Variants in ARHGAP20 observed in about 807,000 individuals in gnomAD.
ARHGAP20 encodes the protein rho GTPase-activating protein 20.
Under a neutral mutation model 73.7 loss-of-function variants are expected in ARHGAP20, and 34 were observed. The observed-to-expected ratio is 0.46, with a 90% CI of 0.35 to 0.61. The LOEUF (loss-of-function observed/expected upper bound fraction) is 0.61, where lower values mean the gene tolerates loss of function less well. ARHGAP20 is among the 20% of genes least tolerant of loss of function. ARHGAP20 has a pLI of 0.00. For missense variants in ARHGAP20, 1,314 were observed against 1,420.9 expected, an observed-to-expected ratio of 0.92 and a Z score of 1.21; for synonymous variants, 523 against 518.2, an observed-to-expected ratio of 1.01 and a Z score of -0.13.
At chr11:110,590,900 G>T in intron 10 of ARHGAP20, 91 bp from the exon 11 acceptor site, 1 of 1,286,064 alleles carries the variant, frequency 7.8e-7, no homozygotes, top group Non-Finnish European at 1.0e-6. Flanking sequence ...AGAGGCTAGG[G>T]TGCGCTAGGG....
chr11:110,701,164 C>A (rs1352031518), intron 1 of ARHGAP20, among the ~76,000 whole-genome samples: 1 of 151,652 alleles, frequency 6.6e-6, no homozygotes, highest in Non-Finnish European at 1.5e-5. Flanking sequence ...GGAATCGCCA[C>A]ACTGACTTCC....
intron 6 of ARHGAP20, among the ~76,000 whole-genome samples, chr11:110,612,219 C>T (rs1444007661): frequency 6.6e-6 from 1 of 151,270 alleles, no homozygotes; most frequent in Non-Finnish European, 1.5e-5. Flanking sequence ...GAGATCGAGA[C>T]CATCCTGGCT....
At chr11:110,601,632 A>T (rs965536010) in intron 9 of ARHGAP20, among the ~76,000 whole-genome samples, 16 of 152,184 alleles carry the variant, frequency 1.1e-4, no homozygotes, top group African/African-American at 3.9e-4. Context: ...TTATATTTTT[A>T]AAAAGTTGAA....
intron 1 of ARHGAP20, among the ~76,000 whole-genome samples, chr11:110,708,055 C>G (rs1950581408): frequency 6.6e-6 from 1 of 151,764 alleles, no homozygotes; most frequent in South Asian, 2.1e-4. Context: ...AGTAAAAAGA[C>G]AAGTCACAGA....
chr11:110,578,244 CA>C lies in ARHGAP20; in HGVS notation c.*1125del. The C allele has an allele frequency of 1.0e-6, 1 of 985,454 alleles. No individual in the cohort carries two copies. Among genetic ancestry groups the C allele is most frequent in the Non-Finnish European group, 1.2e-6 (1 of 829,932 alleles). 61.0% of individuals were successfully genotyped at this position (985,454 alleles called of 1,614,324 possible). A position where few individuals can be genotyped will look rare whatever the true frequency, so the allele number is the denominator to read the frequency against. ...TGGAACAACGTCTGGAAGCAAAACC[CA>C]AAGCAAATGGCTGTCTGAGAAGGCC... On this transcript the variant is annotated 3_prime_UTR_variant, in exon 15 of 15. Transcript: ENST00000683387.
At chr11:110,583,784 A>C in intron 12 of ARHGAP20, 47 bp from the exon 13 acceptor site, 4 of 1,430,320 alleles carry the variant, frequency 2.8e-6, no homozygotes, top group Non-Finnish European at 3.7e-6. Flanking sequence ...TCATTCAAAA[A>C]CTTGTAAAGA....
chr11:110,628,606 T>C (rs900419950), intron 3 of ARHGAP20, among the ~76,000 whole-genome samples: 1 of 152,204 alleles, frequency 6.6e-6, no homozygotes, highest in East Asian at 1.9e-4. Context: ...ACTTAGATCA[T>C]TCGCACTTTT....
chr11:110,637,471 C>A (rs1008387819), intron 2 of ARHGAP20, among the ~76,000 whole-genome samples: 1 of 152,076 alleles, frequency 6.6e-6, no homozygotes, highest in Non-Finnish European at 1.5e-5. Context: ...TCAACTGGAT[C>A]TCTGCTTGGC....
intron 2 of ARHGAP20, among the ~76,000 whole-genome samples, chr11:110,670,096 G>A (rs879843089): frequency 1.3e-5 from 2 of 152,012 alleles, no homozygotes; most frequent in Non-Finnish European, 2.9e-5. Flanking sequence ...TTGCAAAGGC[G>A]CACAAGGAAA....
chr11:110,690,223 GT>G (rs1394996773), intron 2 of ARHGAP20, among the ~76,000 whole-genome samples: 3 of 152,062 alleles, frequency 2.0e-5, no homozygotes, highest in Non-Finnish European at 4.4e-5. Context: ...AATATGCAAA[GT>G]TTTGTGCAAA....
intron 2 of ARHGAP20, among the ~76,000 whole-genome samples, chr11:110,651,261 C>T (rs983626363): frequency 2.0e-4 from 30 of 152,064 alleles, no homozygotes; most frequent in African/African-American, 7.0e-4. Flanking sequence ...ATTTATAGCA[C>T]TAAATGCCCA....
chr11:110,648,215 ATATATG>A (rs1161135064), intron 2 of ARHGAP20, among the ~76,000 whole-genome samples: 4,711 of 61,784 alleles, frequency 0.076, 148 homozygotes, highest in Non-Finnish European at 0.088. Context: ...ATGTAAATAT[ATATATG>A]TATATATATA....
chr11:110,699,594 CAT>C (rs769673614), intron 1 of ARHGAP20, among the ~76,000 whole-genome samples: 5 of 151,878 alleles, frequency 3.3e-5, no homozygotes, highest in Non-Finnish European at 7.4e-5. Context: ...GTGTTAGGTG[CAT>C]ATATATTTAA....
chr11:110,706,299 C>A (rs1243717422), intron 1 of ARHGAP20, among the ~76,000 whole-genome samples: 5 of 152,140 alleles, frequency 3.3e-5, no homozygotes, highest in Non-Finnish European at 5.9e-5. Flanking sequence ...TTGCCACTTA[C>A]TACACTGAAG....
intron 9 of ARHGAP20, among the ~76,000 whole-genome samples, chr11:110,605,995 A>C (rs897982203): frequency 1.3e-5 from 2 of 152,222 alleles, no homozygotes; most frequent in African/African-American, 4.8e-5. Context: ...GGCAAATTAC[A>C]GTTCTCTTAT....
intron 2 of ARHGAP20, among the ~76,000 whole-genome samples, chr11:110,636,615 T>C (rs1948973095): frequency 6.6e-6 from 1 of 152,100 alleles, no homozygotes; most frequent in Non-Finnish European, 1.5e-5. Flanking sequence ...TTTAAAAACC[T>C]ATATGTAAGT....
chr11:110,674,302 C>T (rs1949887914), intron 2 of ARHGAP20, among the ~76,000 whole-genome samples: 1 of 152,144 alleles, frequency 6.6e-6, no homozygotes, highest in Admixed American at 6.6e-5. Flanking sequence ...ACAATGTATA[C>T]ACAATGTACT....
At chr11:110,712,979 C>G (rs1170857609), upstream of ARHGAP20, 3 of 152,308 alleles carry the variant, frequency 2.0e-5, no homozygotes, top group African/African-American at 7.2e-5. Flanking sequence ...ATCGCCTGAC[C>G]TCTTGTGCAA....
At chr11:110,675,465 G>A (rs1840826942) in intron 2 of ARHGAP20, among the ~76,000 whole-genome samples, 1 of 152,178 alleles carries the variant, frequency 6.6e-6, no homozygotes, top group Non-Finnish European at 1.5e-5. Context: ...AGTTTTGTGG[G>A]AGACATTTTT....
Sources: allele counts gnomAD v4.1 joint callset (sites outside exome capture counted in the v4.1 genomes callset), GRCh38; gene constraint gnomAD v4.1.1; transcripts MANE v1.5; gene names NCBI Gene and HGNC (gene_info 2026-07-23, HGNC 2026-07-21).